Variants in SRGAP3 observed in about 807,000 individuals in gnomAD.
The protein encoded by SRGAP3 is SLIT-ROBO Rho GTPase-activating protein 3.
A neutral mutation model predicts 121.1 loss-of-function variants in SRGAP3; 39 were observed. The ratio of observed to expected loss-of-function variants is 0.32; its 90% CI spans 0.25 to 0.42. SRGAP3 has a LOEUF of 0.42. Among genes scored for constraint, SRGAP3 ranks in the 10% least tolerant of loss-of-function variants. The pLI is 1.00. For missense variants in SRGAP3, 1,213 were observed against 1,470.6 expected (o/e 0.82, Z 2.86); for synonymous variants, 601 against 570.0 (o/e 1.05, Z -0.77).
At position 9,234,485 on chromosome 3, in the gene SRGAP3, T is replaced by C. The variant is rs544161672; in HGVS notation, c.67+14400A>G. Among the ~76,000 whole-genome samples the C allele has an allele frequency of 4.6e-5, 7 of 152,252 alleles. No homozygotes were observed. In the South Asian group the frequency reaches 6.2e-4, roughly 14 times the overall value. On this transcript the variant is annotated intron_variant, in intron 1 of 21. Coordinates refer to ENST00000383836, the MANE Select transcript of SRGAP3 (RefSeq NM_014850.4). ...CCCTGAAGGTGGCTGAGATGTTTCATTGGTAAGAGTCTTCTCATGTCATTT... is the reference window on the plus strand; with the variant it reads ...CCCTGAAGGTGGCTGAGATGTTTCACTGGTAAGAGTCTTCTCATGTCATTT...
At chr3:9,141,627 A>C (rs914294957) in intron 1 of SRGAP3, among the ~76,000 whole-genome samples, 1 of 147,546 alleles carries the variant, frequency 6.8e-6, no homozygotes, top group African/African-American at 2.6e-5. Context: ...ACCTTGTAAG[A>C]CTCTGCAAAG....
intron 3 of SRGAP3, among the ~76,000 whole-genome samples, chr3:9,278,458 T>C (rs1954621447): frequency 6.6e-6 from 1 of 152,238 alleles, no homozygotes; most frequent in African/African-American, 2.4e-5. Context: ...CAACTCTCAA[T>C]GCCCTCATCT....
intron 1 of SRGAP3, among the ~76,000 whole-genome samples, chr3:9,176,928 C>G (rs1951199680): frequency 6.6e-6 from 1 of 152,216 alleles, no homozygotes; most frequent in South Asian, 2.1e-4. Context: ...ACTGTATCAA[C>G]TCCACTTAAA....
At chr3:9,226,942 G>T (rs1953006435) in intron 1 of SRGAP3, among the ~76,000 whole-genome samples, 5 of 152,144 alleles carry the variant, frequency 3.3e-5, no homozygotes, top group Admixed American at 2.0e-4. Flanking sequence ...TGCAGGAAAT[G>T]ATATTTATGG....
intron 3 of SRGAP3, among the ~76,000 whole-genome samples, chr3:9,322,977 T>C (rs1209537062): frequency 2.0e-5 from 3 of 151,930 alleles, no homozygotes; most frequent in African/African-American, 4.8e-5. Flanking sequence ...CTATGGAATA[T>C]GACTCAGCAA....
At chr3:9,123,399 TAC>T (rs1560201919) in intron 2 of SRGAP3, among the ~76,000 whole-genome samples, 11 of 117,406 alleles carry the variant, frequency 9.4e-5, no homozygotes, top group African/African-American at 3.5e-4. Context: ...ACATACACAA[TAC>T]ACATACATAC....
At chr3:9,003,549 T>C (rs1386317749) in intron 18 of SRGAP3, among the ~76,000 whole-genome samples, 1 of 152,046 alleles carries the variant, frequency 6.6e-6, no homozygotes, top group Non-Finnish European at 1.5e-5. Flanking sequence ...AAAAGAACTA[T>C]CCTCCATGCA....
chr3:9,156,722 C>A (rs973850453), intron 1 of SRGAP3, among the ~76,000 whole-genome samples: 1 of 152,094 alleles, frequency 6.6e-6, no homozygotes, highest in African/African-American at 2.4e-5. Flanking sequence ...AGCATTGAGG[C>A]TTTGGCCCAG....
chr3:9,078,620 C>A (rs928870401), intron 4 of SRGAP3, among the ~76,000 whole-genome samples: 3 of 152,176 alleles, frequency 2.0e-5, no homozygotes, highest in Non-Finnish European at 4.4e-5. Flanking sequence ...CGAATTCTCA[C>A]AGGGACGTGC....
intron 9 of SRGAP3, among the ~76,000 whole-genome samples, chr3:9,049,836 C>T (rs1324641354): frequency 6.8e-6 from 1 of 148,070 alleles, no homozygotes; most frequent in Non-Finnish European, 1.5e-5. Context: ...TGCAGTAGTA[C>T]GATGTTGGCT....
chr3:9,151,928 A>G (rs1950225149), intron 1 of SRGAP3, among the ~76,000 whole-genome samples: 1 of 152,228 alleles, frequency 6.6e-6, no homozygotes, highest in South Asian at 2.1e-4. Context: ...AGAGAAGACA[A>G]GGATAGAACC....
intron 1 of SRGAP3, among the ~76,000 whole-genome samples, chr3:9,340,046 A>C (rs1024472954): frequency 3.9e-5 from 6 of 152,202 alleles, no homozygotes; most frequent in African/African-American, 1.4e-4. Context: ...AGGGACCCCA[A>C]CAGAGAGGAG....
chr3:9,105,714 A>G (rs1436163917), intron 2 of SRGAP3, among the ~76,000 whole-genome samples: 1 of 152,082 alleles, frequency 6.6e-6, no homozygotes, highest in Non-Finnish European at 1.5e-5. Context: ...TTGTTTCCCA[A>G]AGCTCAGGAT....
chr3:9,058,170 T>C (rs1945923583), intron 7 of SRGAP3, 81 bp downstream of exon 7: 2 of 1,481,784 alleles, frequency 1.3e-6, no homozygotes, highest in South Asian at 1.1e-5. Context: ...TTTCTGTACG[T>C]GCAACCAGGG....
chr3:9,112,971 C>T (rs926715231), intron 2 of SRGAP3, among the ~76,000 whole-genome samples: 2 of 152,178 alleles, frequency 1.3e-5, no homozygotes, highest in African/African-American at 4.8e-5. Flanking sequence ...TAACACAGCA[C>T]AGTGATAAAG....
At chr3:9,182,063 C>T (rs1456946609) in intron 1 of SRGAP3, among the ~76,000 whole-genome samples, 1 of 150,486 alleles carries the variant, frequency 6.6e-6, no homozygotes, top group African/African-American at 2.4e-5. Context: ...CTAGTCCCAT[C>T]TACTCGGGAG....
chr3:9,229,222 T>C (rs1207068630), intron 1 of SRGAP3, among the ~76,000 whole-genome samples: 3 of 152,164 alleles, frequency 2.0e-5, no homozygotes, highest in African/African-American at 7.2e-5. Context: ...TTCCCAGACA[T>C]TGCACTTCTA....
intron 1 of SRGAP3, among the ~76,000 whole-genome samples, chr3:9,248,334 GC>G (rs1287102834): frequency 6.6e-6 from 1 of 152,118 alleles, no homozygotes; most frequent in African/African-American, 2.4e-5. Context: ...TTAATCCATG[GC>G]AACCCAGGCC....
chr3:9,248,258 C>A (rs1396563921), intron 1 of SRGAP3, among the ~76,000 whole-genome samples: 1 of 152,240 alleles, frequency 6.6e-6, no homozygotes, highest in Non-Finnish European at 1.5e-5. Flanking sequence ...AATACATTTT[C>A]TGCACCAAGC....
Sources: allele counts gnomAD v4.1 joint callset (sites outside exome capture counted in the v4.1 genomes callset), GRCh38; gene constraint gnomAD v4.1.1; transcripts MANE v1.5; gene names NCBI Gene and HGNC (gene_info 2026-07-23, HGNC 2026-07-21).